Variants in ST8SIA4 observed in about 807,000 individuals in gnomAD.
ST8SIA4 encodes CMP-N-acetylneuraminate-poly-alpha-2,8-sialyltransferase.
Under a neutral mutation model 33.9 loss-of-function variants are expected in ST8SIA4, and 15 were observed. That is an observed-to-expected ratio of 0.44 (90% CI 0.30 to 0.68). The LOEUF is 0.68. Among genes scored for constraint, ST8SIA4 ranks in the 30% least tolerant of loss-of-function variants. The pLI is 0.10. For synonymous variants in ST8SIA4, 171 were observed against 151.2 expected (o/e 1.13, Z -0.96); for missense variants, 321 against 428.0 (o/e 0.75, Z 2.21).
chr5:100,879,818 C>G (rs1278909137), intron 3 of ST8SIA4, among the ~76,000 whole-genome samples: 2 of 152,078 alleles, frequency 1.3e-5, no homozygotes, highest in African/African-American at 4.8e-5. Flanking sequence ...ATATGTTTCT[C>G]CATGAAAGAC....
chr5:100,833,062 ACT>A (rs1323244272), intron 4 of ST8SIA4, among the ~76,000 whole-genome samples: 1 of 152,100 alleles, frequency 6.6e-6, no homozygotes. Context: ...AGTCAGGCAA[ACT>A]CTGTACCCTT....
chr5:100,871,326 C>T (rs1013869207), intron 3 of ST8SIA4, among the ~76,000 whole-genome samples: 2 of 151,972 alleles, frequency 1.3e-5, no homozygotes, highest in African/African-American at 4.8e-5. Context: ...TTCCTCCATC[C>T]TTTTTCTTTG....
intron 4 of ST8SIA4, among the ~76,000 whole-genome samples, chr5:100,852,947 C>A (rs1290997218): frequency 2.0e-5 from 3 of 152,084 alleles, no homozygotes; most frequent in Non-Finnish European, 4.4e-5. Context: ...CTTGGAAGAG[C>A]CTTCACATTT....
chr5:100,854,014 T>TG (rs1554058847), intron 4 of ST8SIA4, among the ~76,000 whole-genome samples: 1 of 150,886 alleles, frequency 6.6e-6, no homozygotes, highest in Non-Finnish European at 1.5e-5. Context: ...TGTGTGTATG[T>TG]TTAAGATGGA....
At chr5:100,889,628 CT>C (rs1298523779) in intron 2 of ST8SIA4, among the ~76,000 whole-genome samples, 2 of 151,842 alleles carry the variant, frequency 1.3e-5, no homozygotes, top group Admixed American at 6.6e-5. Context: ...TAAAACATGT[CT>C]TTTAAGTTCC....
intron 3 of ST8SIA4, among the ~76,000 whole-genome samples, chr5:100,869,540 T>C (rs948822843): frequency 6.6e-6 from 1 of 152,166 alleles, no homozygotes; most frequent in Non-Finnish European, 1.5e-5. Flanking sequence ...GTGCCTTCTC[T>C]TTCATATATT....
intron 4 of ST8SIA4, among the ~76,000 whole-genome samples, chr5:100,846,647 T>C (rs1751578367): frequency 6.6e-6 from 1 of 151,976 alleles, no homozygotes; most frequent in African/African-American, 2.4e-5. Context: ...AAAAATGATC[T>C]ATGTGAAGAA....
Position 100,903,074 on chromosome 5 carries a change from A to C in ST8SIA4, c.-119T>G, listed in dbSNP as rs756603650. On this transcript the variant is annotated 5_prime_UTR_variant, in exon 1 of 5. Transcript: ENST00000231461. ...TCTGTAAAATGCGAGGAGAGCTTGG[A>C]GCCGGGATCCCGGGATCAGATCACT... 60 of 709,564 alleles carry C rather than the reference A, an allele frequency of 8.5e-5. No homozygotes were observed. Among genetic ancestry groups the C allele is most frequent in the Non-Finnish European group, 1.0e-4 (42 of 414,302 alleles). The allele number at this position is 709,564 out of a possible 1,614,324, so 44.0% of individuals were successfully genotyped here.
intron 4 of ST8SIA4, among the ~76,000 whole-genome samples, chr5:100,829,645 C>A (rs933133607): frequency 1.3e-5 from 2 of 152,198 alleles, no homozygotes. Context: ...CGCGATGGCT[C>A]ACACCTGTAA....
At chr5:100,853,618 T>A (rs1258823072) in intron 4 of ST8SIA4, among the ~76,000 whole-genome samples, 4 of 152,206 alleles carry the variant, frequency 2.6e-5, no homozygotes, top group Admixed American at 2.6e-4. Flanking sequence ...GTGAAGTAGT[T>A]TATATTTATA....
chr5:100,858,473 A>C (rs1456925619), intron 3 of ST8SIA4, among the ~76,000 whole-genome samples: 4 of 152,062 alleles, frequency 2.6e-5, no homozygotes, highest in Non-Finnish European at 5.9e-5. Flanking sequence ...ATTCTGCTGA[A>C]TTATCCCTTC....
In ST8SIA4 at chr5:100,814,289, T is replaced by C. The variant is rs145422697; in HGVS notation, c.798-2160A>G. The stretch of plus-strand genomic sequence containing the variant: ...AAACTGTGATTGCAAAGCATCTTAT[T>C]TGAAAATAATGAGTAGAGTGACTTT... On this transcript the variant is annotated intron_variant, in intron 4 of 4. Transcript: ENST00000231461. Among the ~76,000 whole-genome samples the C allele has an allele frequency of 7.7e-3, 1,165 of 152,158 alleles. 16 individuals carry two copies. Among genetic ancestry groups the C allele is most frequent in the African/African-American group, 0.027 (1,125 of 41,576 alleles).
chr5:100,856,737 G>A (rs1209734822), intron 3 of ST8SIA4, among the ~76,000 whole-genome samples: 2 of 152,110 alleles, frequency 1.3e-5, no homozygotes, highest in African/African-American at 4.8e-5. Flanking sequence ...AGGGTTCTTT[G>A]GCCATTCAGT....
At chr5:100,901,455 C>A (rs906254077) in intron 1 of ST8SIA4, among the ~76,000 whole-genome samples, 2 of 152,210 alleles carry the variant, frequency 1.3e-5, no homozygotes, top group Non-Finnish European at 2.9e-5. Flanking sequence ...ACCCCTTTGT[C>A]TGCCTGGCAA....
At position 100,871,316 on chromosome 5, in the gene ST8SIA4, T is replaced by C. The variant is rs150688376; in HGVS notation, c.504-14920A>G. On this transcript the variant is annotated intron_variant, in intron 3 of 4. Transcript: ENST00000231461. ...AAAATGCATTGTACCAGCCAGTCAA[T>C]TCCTCCATCCTTTTTCTTTGGGAAA... 1.9e-3 allele frequency among the ~76,000 whole-genome samples: 283 copies of C among 152,210 alleles called. 2 individuals carry two copies. The highest frequency in any genetic ancestry group is 3.4e-3 in the Middle Eastern group (1 of 294).
intron 2 of ST8SIA4, among the ~76,000 whole-genome samples, chr5:100,894,798 C>T (rs1752745878): frequency 6.6e-6 from 1 of 152,038 alleles, no homozygotes; most frequent in African/African-American, 2.4e-5. Context: ...CCCCTTATAT[C>T]TTAGTCACTA....
chr5:100,897,146 G>A (rs1752795602), intron 1 of ST8SIA4, among the ~76,000 whole-genome samples: 1 of 152,066 alleles, frequency 6.6e-6, no homozygotes, highest in African/African-American at 2.4e-5. Flanking sequence ...AGAGATTATA[G>A]TAGAGAGAAA....
At chr5:100,890,912 G>C (rs1752646467) in intron 2 of ST8SIA4, 1 of 151,824 alleles carries the variant, frequency 6.6e-6, no homozygotes, top group South Asian at 2.1e-4. Flanking sequence ...ACAACAAGTA[G>C]AGTTCTACCC....
intron 1 of ST8SIA4, among the ~76,000 whole-genome samples, chr5:100,901,382 C>T (rs908804132): frequency 6.6e-6 from 1 of 152,152 alleles, no homozygotes; most frequent in Non-Finnish European, 1.5e-5. Context: ...GAGCCTCGAC[C>T]CTCAAGCTCT....
Sources: gnomAD v4.1 joint callset for allele counts (sites outside exome capture counted in the v4.1 genomes callset) on GRCh38, gnomAD v4.1.1 for gene constraint, MANE v1.5 for transcripts, NCBI Gene and HGNC (gene_info 2026-07-23, HGNC 2026-07-21) for gene names.